KHDRBS2: variants seen among roughly 807,000 people sequenced by gnomAD.
KHDRBS2 encodes the protein KH RNA binding domain containing, signal transduction associated 2, also known as KH domain-containing, RNA-binding, signal transduction-associated protein 2.
KHDRBS2 carries 26 observed loss-of-function variants against 44.3 expected under a neutral mutation model. That is an observed-to-expected ratio of 0.59 (90% confidence interval 0.43 to 0.81). The LOEUF (loss-of-function observed/expected upper bound fraction) is 0.81. Among genes scored for constraint, KHDRBS2 ranks in the 40% least tolerant of loss-of-function variants. The probability of loss-of-function intolerance (pLI) is 0.00; values close to 1 mark genes in which losing one functional copy is unlikely to be tolerated. For missense variants in KHDRBS2, 476 were observed against 433.1 expected (o/e 1.10, Z -0.88); for synonymous variants, 194 against 151.1 (o/e 1.28, Z -2.08).
chr6:61,546,831 T>C, the KHDRBS2 span, among the ~76,000 whole-genome samples: 3 of 152,144 alleles, frequency 2.0e-5, no homozygotes, highest in African/African-American at 7.2e-5. Flanking sequence ...TTTATTATCA[T>C]GCATTTGTAT....
chr6:62,035,202 C>T (rs1199350977), intron 3 of KHDRBS2, among the ~76,000 whole-genome samples: 4 of 151,950 alleles, frequency 2.6e-5, no homozygotes, highest in Admixed American at 6.6e-5. Flanking sequence ...ATGTTAGATA[C>T]AGCATGGCTC....
chr6:61,943,272 A>G lies in KHDRBS2; in HGVS notation c.483+34794T>C, dbSNP rs183879706. ...ATGCTTAAGGGAGTCCTACACCTGG[A>G]GGAAAACAAACAATGTTTACCATCA... is the stretch of plus-strand genomic sequence containing the variant. On this transcript the variant is annotated intron_variant, in intron 4 of 8. Coordinates refer to ENST00000281156, the MANE Select transcript of KHDRBS2 (RefSeq NM_152688.4). Among the ~76,000 whole-genome samples, 416 of 152,228 alleles carry G rather than the reference A, an allele frequency of 2.7e-3. 1 individual carries two copies. The highest frequency in any genetic ancestry group is 4.5e-3 in the Non-Finnish European group (304 of 67,992).
At chr6:61,601,541 A>AGGC in the KHDRBS2 span, among the ~76,000 whole-genome samples, 9 of 152,280 alleles carry the variant, frequency 5.9e-5, no homozygotes, top group African/African-American at 2.2e-4. Flanking sequence ...GTCATAAAAT[A>AGGC]GGCAAACGGT....
intron 4 of KHDRBS2, among the ~76,000 whole-genome samples, chr6:61,967,711 T>G (rs1770359114): frequency 6.6e-6 from 1 of 151,602 alleles, no homozygotes; most frequent in South Asian, 2.1e-4. Flanking sequence ...TTGAAGTTAT[T>G]TATTAGATTT....
chr6:61,857,399 C>T (rs1424221298), intron 6 of KHDRBS2, among the ~76,000 whole-genome samples: 1 of 151,840 alleles, frequency 6.6e-6, no homozygotes, highest in Non-Finnish European at 1.5e-5. Context: ...TAAAAATAGT[C>T]TCAAATGATC....
chr6:61,771,208 A>C (rs530511008), intron 6 of KHDRBS2, among the ~76,000 whole-genome samples: 1 of 152,318 alleles, frequency 6.6e-6, no homozygotes, highest in Admixed American at 6.5e-5. Context: ...GAAAGGAACA[A>C]CTGGTACCAG....
intron 3 of KHDRBS2, among the ~76,000 whole-genome samples, chr6:62,043,715 G>A (rs1374949901): frequency 1.2e-4 from 18 of 151,934 alleles, no homozygotes; most frequent in Admixed American, 1.2e-3. Flanking sequence ...CCCAACACGA[G>A]ATAACACAAA....
At chr6:62,127,577 T>C (rs1027551250) in intron 2 of KHDRBS2, among the ~76,000 whole-genome samples, 1 of 152,086 alleles carries the variant, frequency 6.6e-6, no homozygotes, top group Non-Finnish European at 1.5e-5. Context: ...TTTTTTTTTC[T>C]TACATTTTAT....
intron 4 of KHDRBS2, among the ~76,000 whole-genome samples, chr6:61,955,315 C>CTT (rs1397046936): frequency 1.4e-5 from 2 of 143,090 alleles, no homozygotes; most frequent in South Asian, 2.2e-4. Context: ...TATATGTATA[C>CTT]ATATACGTGT....
intron 2 of KHDRBS2, among the ~76,000 whole-genome samples, chr6:62,108,905 A>G (rs564098417): frequency 2.0e-5 from 3 of 152,206 alleles, no homozygotes; most frequent in Admixed American, 6.5e-5. Context: ...ATGAGAACAC[A>G]TGGACACAGG....
At chr6:62,280,277 T>A (rs1355761300) in intron 1 of KHDRBS2, among the ~76,000 whole-genome samples, 1 of 152,030 alleles carries the variant, frequency 6.6e-6, no homozygotes, top group Non-Finnish European at 1.5e-5. Context: ...TATTAAGAAG[T>A]GTGACATGGT....
At chr6:61,687,168 T>C (rs1766907514) in intron 8 of KHDRBS2, among the ~76,000 whole-genome samples, 1 of 151,782 alleles carries the variant, frequency 6.6e-6, no homozygotes, top group African/African-American at 2.4e-5. Flanking sequence ...CCAGCATCTC[T>C]TTTCACAGAT....
At chr6:62,230,234 C>T (rs1472519166) in intron 1 of KHDRBS2, among the ~76,000 whole-genome samples, 2 of 152,024 alleles carry the variant, frequency 1.3e-5, no homozygotes, top group African/African-American at 4.8e-5. Context: ...TAAAATGTTA[C>T]AAAATAGTTT....
intron 6 of KHDRBS2, among the ~76,000 whole-genome samples, chr6:61,794,616 A>G (rs1315116322): frequency 6.6e-6 from 1 of 152,188 alleles, no homozygotes; most frequent in African/African-American, 2.4e-5. Flanking sequence ...TGCCATAAAA[A>G]ACAACATGGA....
chr6:61,696,773 G>C (rs539449128), intron 8 of KHDRBS2, among the ~76,000 whole-genome samples: 2 of 152,150 alleles, frequency 1.3e-5, no homozygotes, highest in East Asian at 1.9e-4. Flanking sequence ...GGCTATGCAT[G>C]CTAGAAAAAT....
At chr6:61,904,394 C>A (rs1194160483) in intron 4 of KHDRBS2, among the ~76,000 whole-genome samples, 4 of 152,090 alleles carry the variant, frequency 2.6e-5, no homozygotes, top group Admixed American at 6.6e-5. Context: ...GTAGTGTAAG[C>A]AAAGCAACTA....
chr6:62,206,788 A>G (rs1828049010), intron 1 of KHDRBS2, among the ~76,000 whole-genome samples: 1 of 152,090 alleles, frequency 6.6e-6, no homozygotes, highest in Non-Finnish European at 1.5e-5. Flanking sequence ...TTACGTGGAC[A>G]GTATATGAGG....
At chr6:61,637,245 C>T in the KHDRBS2 span, among the ~76,000 whole-genome samples, 1 of 151,246 alleles carries the variant, frequency 6.6e-6, no homozygotes, top group Non-Finnish European at 1.5e-5. Flanking sequence ...CATGTGTTCT[C>T]ATTGTTCAAT....
chr6:61,703,465 A>G (rs1326247500), intron 7 of KHDRBS2, among the ~76,000 whole-genome samples: 1 of 151,820 alleles, frequency 6.6e-6, no homozygotes, highest in African/African-American at 2.4e-5. Context: ...TTAAGGGGGT[A>G]TTCTTAAATT....
Sources: allele counts gnomAD v4.1 joint callset (sites outside exome capture counted in the v4.1 genomes callset), GRCh38; gene constraint gnomAD v4.1.1; transcripts MANE v1.5; gene names NCBI Gene and HGNC (gene_info 2026-07-23, HGNC 2026-07-21).